TRIO: variants seen among roughly 807,000 people sequenced by gnomAD.
TRIO encodes the protein trio Rho guanine nucleotide exchange factor.
A neutral mutation model predicts 351.9 loss-of-function variants in TRIO; 58 were observed. That is an observed-to-expected ratio of 0.16 (90% CI 0.13 to 0.21). TRIO has a LOEUF of 0.21. TRIO is among the 10% of genes least tolerant of loss of function. The probability of loss-of-function intolerance (pLI) is 1.00; values close to 1 mark genes in which losing one functional copy is unlikely to be tolerated. For missense variants in TRIO, 3,201 were observed against 4,027.8 expected (o/e 0.79, Z 5.56); for synonymous variants, 1,758 against 1,595.7 (o/e 1.10, Z -2.42).
At position 14,351,769 on chromosome 5, in the gene TRIO, C is replaced by T. The variant is rs116702924; in HGVS notation, c.2047-6409C>T. 7.7e-3 allele frequency among the ~76,000 whole-genome samples: 1,171 copies of T among 152,290 alleles called. 13 individuals are homozygous for T. The highest frequency in any genetic ancestry group is 0.026 in the African/African-American group (1,082 of 41,552). On this transcript the variant is annotated intron_variant, in intron 11 of 56. Coordinates refer to ENST00000344204, the MANE Select transcript of TRIO (RefSeq NM_007118.4). ...CCATACCCCACCTCCAGACGGACACCGATTTTAGCCTGGGTTCAAACTGCA... is the reference window on the plus strand; with the variant it reads ...CCATACCCCACCTCCAGACGGACACTGATTTTAGCCTGGGTTCAAACTGCA...
chr5:14,161,020 C>T (rs1476294289), intron 1 of TRIO, among the ~76,000 whole-genome samples: 2 of 152,142 alleles, frequency 1.3e-5, no homozygotes, highest in Non-Finnish European at 1.5e-5. Context: ...AAGCGATTCT[C>T]CTGCCTTAGT....
At chr5:14,395,458 C>G (rs1377102090) in intron 28 of TRIO, among the ~76,000 whole-genome samples, 3 of 152,242 alleles carry the variant, frequency 2.0e-5, no homozygotes, top group African/African-American at 7.2e-5. Context: ...CCTCGCCTTA[C>G]TCTGCCAGAG....
At chr5:14,371,530 C>T (rs1205911024) in intron 18 of TRIO, among the ~76,000 whole-genome samples, 1 of 151,944 alleles carries the variant, frequency 6.6e-6, no homozygotes, top group Admixed American at 6.6e-5. Context: ...ATTAAATTCT[C>T]CCTTTCAGAA....
intron 48 of TRIO, chr5:14,489,070 G>C (rs371798493): frequency 2.6e-6 from 2 of 765,124 alleles, no homozygotes; most frequent in Non-Finnish European, 4.8e-6. Flanking sequence ...GAAGGCATGC[G>C]TGAGTGAATA....
At chr5:14,316,479 A>T (rs1397846142) in intron 8 of TRIO, 34 bp from the exon 9 acceptor site, 3 of 1,610,102 alleles carry the variant, frequency 1.9e-6, no homozygotes, top group African/African-American at 2.7e-5. Flanking sequence ...CAAACCTCAG[A>T]TCGTGAAGAA....
chr5:14,260,455 A>G (rs1481652508), intron 1 of TRIO, among the ~76,000 whole-genome samples: 1 of 152,254 alleles, frequency 6.6e-6, no homozygotes, highest in Non-Finnish European at 1.5e-5. Context: ...AGAGAGTACC[A>G]TGCATAAATA....
At chr5:14,380,872 G>C (rs1746042156) in intron 20 of TRIO, among the ~76,000 whole-genome samples, 3 of 152,180 alleles carry the variant, frequency 2.0e-5, no homozygotes, top group Admixed American at 2.0e-4. Flanking sequence ...ATACACCATG[G>C]AATACTAAGA....
chr5:14,202,003 G>A (rs908535172), intron 1 of TRIO, among the ~76,000 whole-genome samples: 1 of 151,116 alleles, frequency 6.6e-6, no homozygotes, highest in South Asian at 2.1e-4. Flanking sequence ...AGCATTAGGA[G>A]ATATACCTAA....
chr5:14,471,408 T>C lies in TRIO; in HGVS notation c.5854T>C (p.Ser1952Pro). Residue 1952 changes from serine (S) to proline (P), a missense_variant, in exon 38 of 57, where the codon TCC (serine) becomes CCC (proline). Ser to Pro is a moderately conservative substitution (Grantham distance 74, BLOSUM62 -1). Around this residue, in one of 19 missense-constraint regions of TRIO, gnomAD observed 307 missense variants for 396.5 expected, o/e 0.77. Coordinates refer to ENST00000344204, the MANE Select transcript of TRIO (RefSeq NM_007118.4). ...FNPSDNSLLS[S>P]SSPIDEMEER... ...CCCTTCGGATAATTCCCTTCTCTCT[T>C]CCTCCTCGCCCATTGATGAGATGGA... is the stretch of plus-strand genomic sequence containing the variant. 6.2e-7 allele frequency: 1 copy of C among 1,614,142 alleles called. No individual in the cohort carries two copies. Among genetic ancestry groups the C allele is most frequent in the Non-Finnish European group, 8.5e-7 (1 of 1,180,028 alleles).
intron 34 of TRIO, among the ~76,000 whole-genome samples, chr5:14,460,390 G>A (rs1753689258): frequency 6.6e-6 from 1 of 152,100 alleles, no homozygotes; most frequent in African/African-American, 2.4e-5. Flanking sequence ...CACCAGCTCT[G>A]CCACTTTCCA....
chr5:14,484,877 C>T (rs566852731), intron 46 of TRIO, among the ~76,000 whole-genome samples, 192 bp from the exon 47 acceptor site: 1 of 152,254 alleles, frequency 6.6e-6, no homozygotes, highest in South Asian at 2.1e-4. Context: ...TTGAGACTGG[C>T]ATATTTCACT....
Position 14,293,065 on chromosome 5 carries a change from G to A in TRIO, c.1107G>A (p.Glu369=). 1 of 1,614,176 alleles carries A rather than the reference G, an allele frequency of 6.2e-7. No individual in the cohort carries two copies. Among genetic ancestry groups the A allele is most frequent in the Non-Finnish European group, 8.5e-7 (1 of 1,180,016 alleles). Residue 369 remains glutamate, a synonymous_variant, in exon 6 of 57, where the codon GAG becomes GAA. Coordinates refer to ENST00000344204, the MANE Select transcript of TRIO (RefSeq NM_007118.4). ...NKGLFLNSYT[E]IGTSHPHAME... ...GCCTGTTTCTAAACAGCTACACAGA[G>A]ATTGGGACCAGCCACCCTCATGCCA...
intron 1 of TRIO, among the ~76,000 whole-genome samples, chr5:14,231,222 G>A (rs201552725): frequency 9.2e-5 from 14 of 152,248 alleles, no homozygotes; most frequent in East Asian, 7.7e-4. Flanking sequence ...CCATTTTTCC[G>A]TCTTTAGGCC....
At chr5:14,187,930 C>T (rs1287647452) in intron 1 of TRIO, among the ~76,000 whole-genome samples, 4 of 152,060 alleles carry the variant, frequency 2.6e-5, no homozygotes, top group Non-Finnish European at 5.9e-5. Context: ...GTTCTGTCAC[C>T]GAGCCAATCT....
At chr5:14,374,985 G>C (rs1745430439) in intron 19 of TRIO, among the ~76,000 whole-genome samples, 3 of 152,070 alleles carry the variant, frequency 2.0e-5, no homozygotes, top group African/African-American at 7.2e-5. Context: ...CACAGCCTAA[G>C]TTTAGTTTTA....
At chr5:14,343,798 G>A (rs1742161226) in intron 11 of TRIO, among the ~76,000 whole-genome samples, 2 of 152,084 alleles carry the variant, frequency 1.3e-5, no homozygotes, top group South Asian at 4.2e-4. Context: ...GCGTTTGCTG[G>A]GTCCTTTGGT....
intron 34 of TRIO, among the ~76,000 whole-genome samples, chr5:14,430,644 G>A (rs971851686): frequency 9.2e-5 from 14 of 151,948 alleles, no homozygotes; most frequent in African/African-American, 3.4e-4. Context: ...TCTTTCTGAA[G>A]GATTCAGTTT....
At chr5:14,489,251 CCTA>C in intron 48 of TRIO, 1 of 493,974 alleles carries the variant, frequency 2.0e-6, no homozygotes, top group Non-Finnish European at 3.6e-6. Context: ...CTTATCCTTT[CCTA>C]CTATTTTTTG....
intron 20 of TRIO, among the ~76,000 whole-genome samples, chr5:14,380,289 G>A (rs906384691): frequency 8.7e-5 from 10 of 115,142 alleles, no homozygotes; most frequent in Non-Finnish European, 1.5e-4. Context: ...TTCGCGCCCC[G>A]CCTCCTCCTT....
Sources: gnomAD v4.1 joint callset for allele counts (sites outside exome capture counted in the v4.1 genomes callset) on GRCh38, gnomAD v4.1.1 for gene constraint, gnomAD v4.1.1 regional missense constraint, MANE v1.5 for transcripts, NCBI Gene and HGNC (gene_info 2026-07-23, HGNC 2026-07-21) for gene names.